Variants in PPP1R3A observed in about 807,000 individuals in gnomAD.
The protein encoded by PPP1R3A is protein phosphatase 1 regulatory subunit 3A.
Under a neutral mutation model 41.7 loss-of-function variants are expected in PPP1R3A, and 29 were observed. The observed-to-expected ratio is 0.70, with a 90% CI of 0.52 to 0.95. The LOEUF (loss-of-function observed/expected upper bound fraction) is 0.95. Among genes scored for constraint, PPP1R3A ranks in the 40% least tolerant of loss-of-function variants. PPP1R3A has a pLI of 0.00. For missense variants in PPP1R3A, 1,352 were observed against 1,292.4 expected (o/e 1.05, Z -0.71); for synonymous variants, 485 against 453.4 (o/e 1.07, Z -0.89).
intron 1 of PPP1R3A, among the ~76,000 whole-genome samples, chr7:113,913,931 A>T (rs1408097098): frequency 6.6e-6 from 1 of 151,720 alleles, no homozygotes; most frequent in Admixed American, 6.6e-5. Flanking sequence ...TCTTGTCTTC[A>T]CAGGCGCCTG....
intron 1 of PPP1R3A, among the ~76,000 whole-genome samples, chr7:113,896,190 C>T (rs778201398): frequency 2.6e-5 from 4 of 151,842 alleles, no homozygotes; most frequent in Non-Finnish European, 5.9e-5. Context: ...CACAAATGTC[C>T]ACATTTTGTG....
At chr7:113,913,316 T>C (rs748217678) in intron 1 of PPP1R3A, among the ~76,000 whole-genome samples, 2 of 152,124 alleles carry the variant, frequency 1.3e-5, no homozygotes, top group Non-Finnish European at 2.9e-5. Flanking sequence ...AAACACACAA[T>C]GTAGCCATAT....
intron 1 of PPP1R3A, among the ~76,000 whole-genome samples, chr7:113,886,807 T>C (rs1796791981): frequency 6.6e-6 from 1 of 152,124 alleles, no homozygotes; most frequent in African/African-American, 2.4e-5. Context: ...CTTTAGAACA[T>C]TTGAGAAAAA....
intron 3 of PPP1R3A, 116 bp downstream of exon 3, chr7:113,881,923 G>T: frequency 8.3e-7 from 1 of 1,200,960 alleles, no homozygotes; most frequent in Non-Finnish European, 1.2e-6. Context: ...AGAATAGGCT[G>T]TGCTTTCACA....
At chr7:113,889,258 T>A (rs1796838432) in intron 1 of PPP1R3A, among the ~76,000 whole-genome samples, 1 of 152,162 alleles carries the variant, frequency 6.6e-6, no homozygotes, top group Non-Finnish European at 1.5e-5. Flanking sequence ...CAAACCCAGT[T>A]GCCCTGCTTC....
chr7:113,898,187 T>A (rs1797006355), intron 1 of PPP1R3A, among the ~76,000 whole-genome samples: 1 of 151,858 alleles, frequency 6.6e-6, no homozygotes, highest in Non-Finnish European at 1.5e-5. Context: ...CAGGCTGACA[T>A]GGAACAAATT....
chr7:113,896,937 T>C (rs1796986139), intron 1 of PPP1R3A, among the ~76,000 whole-genome samples: 1 of 151,898 alleles, frequency 6.6e-6, no homozygotes, highest in Non-Finnish European at 1.5e-5. Context: ...GGAATCAAAC[T>C]TACATTCCTG....
intron 1 of PPP1R3A, among the ~76,000 whole-genome samples, chr7:113,915,384 C>T (rs1300454641): frequency 6.6e-6 from 1 of 151,774 alleles, no homozygotes; most frequent in Non-Finnish European, 1.5e-5. Flanking sequence ...TCTCAGGCAC[C>T]CTGATAGCAA....
chr7:113,877,498 G>C lies in PPP1R3A; in HGVS notation c.*225C>G. 1 of 408,998 alleles carries C rather than the reference G, an allele frequency of 2.4e-6. No individual in the cohort carries two copies. The highest frequency in any genetic ancestry group is 3.8e-5 in the East Asian group (1 of 26,612). The allele number at this position is 408,998 out of a possible 1,614,324, so 25.3% of individuals were successfully genotyped here. A position where few individuals can be genotyped will look rare whatever the true frequency, so the allele number is the denominator to read the frequency against. On this transcript the variant is annotated 3_prime_UTR_variant, in exon 4 of 4. Transcript: ENST00000284601. ...CAGCTGTACCTAATTTCAACTTGACGTGCTTCAGATCTCATATTCATATAG... is the reference window on the plus strand; with the variant it reads ...CAGCTGTACCTAATTTCAACTTGACCTGCTTCAGATCTCATATTCATATAG...
chr7:113,907,493 T>G (rs1797166079), intron 1 of PPP1R3A, among the ~76,000 whole-genome samples: 1 of 151,412 alleles, frequency 6.6e-6, no homozygotes, highest in Non-Finnish European at 1.5e-5. Flanking sequence ...CTCGTGGGAT[T>G]AAGGGAATAC....
chr7:113,882,979 T>A (rs765537347), intron 1 of PPP1R3A, among the ~76,000 whole-genome samples: 1 of 152,062 alleles, frequency 6.6e-6, no homozygotes, highest in African/African-American at 2.4e-5. Context: ...TGCAAGCATA[T>A]ACTTTCCTTC....
chr7:113,915,199 A>T lies in PPP1R3A; in HGVS notation c.782+3016T>A, dbSNP rs1797318361. On this transcript the variant is annotated intron_variant, in intron 1 of 3. Transcript: ENST00000284601. Reference sequence around the variant, plus strand: ...ACTATCAGGCATCAAAAGAAAATAGACAACCCACACCAATGTGGAGATTTG... The same window carrying T: ...ACTATCAGGCATCAAAAGAAAATAGTCAACCCACACCAATGTGGAGATTTG... Among the ~76,000 whole-genome samples, 4 of 152,208 alleles carry T rather than the reference A, an allele frequency of 2.6e-5. No individual in the cohort carries two copies. In the South Asian group the frequency reaches 8.3e-4, roughly 32 times the overall value.
chr7:113,882,496 A>G (rs898082612), intron 1 of PPP1R3A, among the ~76,000 whole-genome samples, 176 bp from the exon 2 acceptor site: 4 of 151,994 alleles, frequency 2.6e-5, no homozygotes, highest in African/African-American at 9.7e-5. Flanking sequence ...GAATGATGCA[A>G]TAGTAAGTAT....
Position 113,877,628 on chromosome 7 carries a change from G to A in PPP1R3A, c.*95C>T. ...TAAATGATCCTTCAAGAGAAAAACT[G>A]CACTGGATCTTTGAACAATGAATAG... is the stretch of plus-strand genomic sequence containing the variant. On this transcript the variant is annotated 3_prime_UTR_variant, in exon 4 of 4. Transcript: ENST00000284601. 1 of 1,386,098 alleles carries A rather than the reference G, an allele frequency of 7.2e-7. No individual in the cohort carries two copies. Among genetic ancestry groups the A allele is most frequent in the Non-Finnish European group, 9.7e-7 (1 of 1,027,534 alleles). 85.9% of individuals were successfully genotyped at this position (1,386,098 alleles called of 1,614,324 possible). A position where few individuals can be genotyped will look rare whatever the true frequency, so the allele number is the denominator to read the frequency against.
intron 1 of PPP1R3A, among the ~76,000 whole-genome samples, chr7:113,907,051 G>A (rs904263369): frequency 6.6e-6 from 1 of 151,766 alleles, no homozygotes; most frequent in African/African-American, 2.4e-5. Flanking sequence ...CAAGTGGCTT[G>A]AATAGAAACA....
At chr7:113,916,358 ATGTATG>A (rs1797343226) in intron 1 of PPP1R3A, among the ~76,000 whole-genome samples, 1 of 152,080 alleles carries the variant, frequency 6.6e-6, no homozygotes, top group Admixed American at 6.6e-5. Context: ...CTGAATACAA[ATGTATG>A]TGTGGATACA....
chr7:113,878,856 C>T lies in PPP1R3A; in HGVS notation c.2236G>A (p.Ala746Thr), dbSNP rs556570517. 6.2e-7 allele frequency: 1 copy of T among 1,613,148 alleles called. No homozygotes were observed. Among genetic ancestry groups the T allele is most frequent in the Admixed American group, 1.7e-5 (1 of 59,870 alleles). Residue 746 changes from alanine (A) to threonine (T), a missense_variant, in exon 4 of 4, where the codon GCT (alanine) becomes ACT (threonine). By Grantham distance (58) the Ala-to-Thr change is moderately conservative. Transcript: ENST00000284601. ...TSESTPESMS[A>T]REKAIIAKLP... ...TTAGCAATTATTGCTTTTTCTCTAG[C>T]AGACATGCTTTCTGGAGTACTTTCT... is the stretch of plus-strand genomic sequence containing the variant.
At chr7:113,894,086 G>C (rs1796938842) in intron 1 of PPP1R3A, among the ~76,000 whole-genome samples, 1 of 151,794 alleles carries the variant, frequency 6.6e-6, no homozygotes. Context: ...TGATTGGATT[G>C]GGCACCATGT....
At chr7:113,897,274 T>C (rs1443676784) in intron 1 of PPP1R3A, among the ~76,000 whole-genome samples, 1 of 151,780 alleles carries the variant, frequency 6.6e-6, no homozygotes, top group Non-Finnish European at 1.5e-5. Context: ...ATAAATTAAT[T>C]TGTATAATTT....
Sources: allele counts gnomAD v4.1 joint callset (sites outside exome capture counted in the v4.1 genomes callset), GRCh38; gene constraint gnomAD v4.1.1; transcripts MANE v1.5; gene names NCBI Gene and HGNC (gene_info 2026-07-23, HGNC 2026-07-21).